Variants in GLT1D1 observed in about 807,000 individuals in gnomAD.
GLT1D1 encodes glycosyltransferase 1 domain-containing protein 1.
Under a neutral mutation model 28.7 loss-of-function variants are expected in GLT1D1, and 21 were observed. The observed-to-expected ratio is 0.73, with a 90% CI of 0.52 to 1.05. GLT1D1 has a LOEUF of 1.05. GLT1D1 is among the 50% of genes least tolerant of loss of function. The pLI, the probability that GLT1D1 is intolerant of heterozygous loss-of-function variation, is 0.00. For missense variants in GLT1D1, 343 were observed against 330.6 expected (o/e 1.04, Z -0.29); for synonymous variants, 147 against 124.8 (o/e 1.18, Z -1.19).
intron 7 of GLT1D1, among the ~76,000 whole-genome samples, chr12:128,975,146 T>C (rs944041760): frequency 1.3e-5 from 2 of 152,176 alleles, no homozygotes; most frequent in Non-Finnish European, 2.9e-5. Context: ...CGCTCAGGCA[T>C]TGTCCCGGCA....
Position 128,899,134 on chromosome 12 carries a change from T to C in GLT1D1, c.324-102T>C, listed in dbSNP as rs1016140216. 10 of 784,350 alleles carry C rather than the reference T, an allele frequency of 1.3e-5. No individual in the cohort carries two copies. The African/African-American group carries it at 1.4e-4, about 11-fold the overall frequency. 48.6% of individuals were successfully genotyped at this position (784,350 alleles called of 1,614,324 possible). On this transcript the variant is annotated intron_variant, in intron 3 of 7. Coordinates refer to ENST00000281703, the MANE Select transcript of GLT1D1 (RefSeq NM_144669.3). Reference sequence around the variant, plus strand: ...AAGATTGATTGCATTTTAAATTTAGTGTCTCACGTTGTCTCTCATAATTTG... The same window carrying C: ...AAGATTGATTGCATTTTAAATTTAGCGTCTCACGTTGTCTCTCATAATTTG...
At chr12:128,958,278 C>A (rs904088598) in intron 7 of GLT1D1, among the ~76,000 whole-genome samples, 1 of 152,166 alleles carries the variant, frequency 6.6e-6, no homozygotes, top group African/African-American at 2.4e-5. Context: ...CAGAGAGTGA[C>A]CCTGGCCGAG....
chr12:128,949,756 G>T (rs887934897), intron 6 of GLT1D1, among the ~76,000 whole-genome samples: 1 of 151,436 alleles, frequency 6.6e-6, no homozygotes, highest in Non-Finnish European at 1.5e-5. Context: ...ACACACACAC[G>T]CACACACACA....
chr12:128,980,704 A>G (rs550434858), intron 7 of GLT1D1, among the ~76,000 whole-genome samples: 1 of 152,342 alleles, frequency 6.6e-6, no homozygotes, highest in East Asian at 1.9e-4. Flanking sequence ...GGTGGTCTCC[A>G]GGGCCGGGGC....
intron 1 of GLT1D1, among the ~76,000 whole-genome samples, chr12:128,874,407 C>G (rs1956823390): frequency 6.6e-6 from 1 of 151,252 alleles, no homozygotes; most frequent in African/African-American, 2.4e-5. Flanking sequence ...GTCTTGAACT[C>G]CTGACCTCAA....
chr12:128,944,610 C>A (rs753977959), intron 4 of GLT1D1: 26 of 741,932 alleles, frequency 3.5e-5, no homozygotes, highest in Non-Finnish European at 6.6e-5. Flanking sequence ...AGGACATATT[C>A]AGGTTAATCA....
intron 2 of GLT1D1, among the ~76,000 whole-genome samples, chr12:128,880,032 C>T (rs929531681): frequency 6.6e-6 from 1 of 152,104 alleles, no homozygotes; most frequent in Non-Finnish European, 1.5e-5. Context: ...ATATAAATTC[C>T]TAGGAAAGCC....
intron 4 of GLT1D1, among the ~76,000 whole-genome samples, chr12:128,916,765 A>T (rs1872151050): frequency 6.6e-6 from 1 of 152,130 alleles, no homozygotes; most frequent in African/African-American, 2.4e-5. Context: ...TATATTGTTA[A>T]TATTTTCTCC....
At chr12:128,942,760 T>TTTTG (rs1875481990) in intron 4 of GLT1D1, among the ~76,000 whole-genome samples, 1 of 145,220 alleles carries the variant, frequency 6.9e-6, no homozygotes, top group African/African-American at 2.7e-5. Flanking sequence ...TTTTTTGTTT[T>TTTTG]TTTTTTTTGA....
At chr12:128,922,046 A>C (rs1872710526) in intron 4 of GLT1D1, among the ~76,000 whole-genome samples, 1 of 151,322 alleles carries the variant, frequency 6.6e-6, no homozygotes, top group Non-Finnish European at 1.5e-5. Flanking sequence ...TAGACATTCC[A>C]TGCACATCAA....
intron 2 of GLT1D1, among the ~76,000 whole-genome samples, chr12:128,881,871 A>G (rs541685270): frequency 3.2e-4 from 48 of 151,864 alleles, no homozygotes; most frequent in African/African-American, 1.1e-3. Context: ...CTGTCATTGA[A>G]TGTTCTTTTG....
chr12:128,867,516 G>A (rs992963823), intron 1 of GLT1D1, among the ~76,000 whole-genome samples: 8 of 151,970 alleles, frequency 5.3e-5, no homozygotes, highest in Non-Finnish European at 8.8e-5. Context: ...TTGCCCCAGC[G>A]GTGCTGGGCA....
chr12:128,910,319 T>C (rs903578564), intron 4 of GLT1D1, among the ~76,000 whole-genome samples: 4 of 151,774 alleles, frequency 2.6e-5, no homozygotes, highest in Admixed American at 1.3e-4. Flanking sequence ...AGGAACATTT[T>C]GAGTTTATGT....
At chr12:128,866,290 CG>C (rs1956515597) in intron 1 of GLT1D1, among the ~76,000 whole-genome samples, 1 of 149,606 alleles carries the variant, frequency 6.7e-6, no homozygotes, top group African/African-American at 2.6e-5. Context: ...AGGATGCTCT[CG>C]ATCTCCTGAC....
At position 128,931,815 on chromosome 12, in the gene GLT1D1, T is replaced by C. The variant is rs146780799; in HGVS notation, c.376-13511T>C. ...CTTTTTATTTGAAGGGGTGAATGTGTGTGGTTTTTTAATTAAAAATAATGT... is the reference window on the plus strand; with the variant it reads ...CTTTTTATTTGAAGGGGTGAATGTGCGTGGTTTTTTAATTAAAAATAATGT... On this transcript the variant is annotated intron_variant, in intron 4 of 7. Transcript: ENST00000281703. Among the ~76,000 whole-genome samples, 752 of 152,242 alleles carry C rather than the reference T, an allele frequency of 4.9e-3. 3 individuals carry two copies. Among genetic ancestry groups the C allele is most frequent in the African/African-American group, 0.017 (709 of 41,542 alleles).
intron 6 of GLT1D1, among the ~76,000 whole-genome samples, chr12:128,955,518 AT>A (rs33990173): frequency 0.5 from 74,818 of 148,764 alleles, 19,606 homozygotes; most frequent in East Asian, 0.72. Flanking sequence ...TCGGTGTTGT[AT>A]TTTTTTTTTT....
At chr12:128,913,574 A>C (rs1871772614) in intron 4 of GLT1D1, among the ~76,000 whole-genome samples, 1 of 152,198 alleles carries the variant, frequency 6.6e-6, no homozygotes, top group Admixed American at 6.5e-5. Flanking sequence ...TAATGGAAAG[A>C]CTAGATCCAA....
chr12:128,974,257 G>T (rs1056552952), intron 7 of GLT1D1, among the ~76,000 whole-genome samples: 1 of 152,082 alleles, frequency 6.6e-6, no homozygotes, highest in African/African-American at 2.4e-5. Context: ...CTGATGGCCG[G>T]AGTCCTTGTT....
chr12:128,884,418 G>T (rs1177476589), intron 2 of GLT1D1, among the ~76,000 whole-genome samples: 1 of 152,134 alleles, frequency 6.6e-6, no homozygotes, highest in Admixed American at 6.5e-5. Flanking sequence ...TTAGGGAAAC[G>T]TTGGTCAAAA....
Sources: allele counts gnomAD v4.1 joint callset (sites outside exome capture counted in the v4.1 genomes callset), GRCh38; gene constraint gnomAD v4.1.1; transcripts MANE v1.5; gene names NCBI Gene and HGNC (gene_info 2026-07-23, HGNC 2026-07-21).